NELL2: variants seen among roughly 807,000 people sequenced by gnomAD.
NELL2 encodes the protein protein kinase C-binding protein NELL2.
NELL2 carries 41 observed loss-of-function variants against 109.6 expected under a neutral mutation model. The ratio of observed to expected loss-of-function variants is 0.37; its 90% CI spans 0.29 to 0.49. The LOEUF (loss-of-function observed/expected upper bound fraction) is 0.49, where lower values mean the gene tolerates loss of function less well. Ranked by LOEUF, NELL2 falls within the 20% of genes least tolerant of loss-of-function variation. NELL2 has a pLI of 0.98. For missense variants in NELL2, 900 were observed against 1,008.3 expected, an observed-to-expected ratio of 0.89 and a Z score of 1.45; for synonymous variants, 355 against 344.7, an observed-to-expected ratio of 1.03 and a Z score of -0.33.
chr12:44,647,452 G>A (rs1947134493), intron 13 of NELL2, among the ~76,000 whole-genome samples: 1 of 152,080 alleles, frequency 6.6e-6, no homozygotes, highest in Non-Finnish European at 1.5e-5. Context: ...GCTGCATAGA[G>A]ATGAAAAAGA....
At chr12:44,757,296 T>C (rs904956429) in intron 9 of NELL2, among the ~76,000 whole-genome samples, 1 of 152,124 alleles carries the variant, frequency 6.6e-6, no homozygotes, top group African/African-American at 2.4e-5. Flanking sequence ...TGTTCCCATA[T>C]CCCATCCTGC....
At chr12:44,695,409 A>T (rs540694383) in intron 12 of NELL2, among the ~76,000 whole-genome samples, 19 of 152,312 alleles carry the variant, frequency 1.2e-4, no homozygotes, top group Non-Finnish European at 2.6e-4. Context: ...ACTAGATTCA[A>T]TAATTAGTCT....
At chr12:44,646,428 A>G (rs1040292506) in intron 13 of NELL2, among the ~76,000 whole-genome samples, 3 of 152,224 alleles carry the variant, frequency 2.0e-5, no homozygotes, top group Admixed American at 2.0e-4. Context: ...GAAACCACAA[A>G]TAGTACCAAA....
intron 1 of NELL2, among the ~76,000 whole-genome samples, chr12:44,894,474 T>C (rs1945571208): frequency 6.6e-6 from 1 of 152,214 alleles, no homozygotes; most frequent in African/African-American, 2.4e-5. Context: ...ATCTTTAATC[T>C]TGCATCATTA....
At chr12:44,760,941 A>G (rs2136548755) in intron 9 of NELL2, among the ~76,000 whole-genome samples, 1 of 152,356 alleles carries the variant, frequency 6.6e-6, no homozygotes, top group South Asian at 2.1e-4. Flanking sequence ...AAGAAACATT[A>G]TGAAAACATA....
chr12:44,741,836 C>A (rs1490492335), intron 9 of NELL2, among the ~76,000 whole-genome samples: 1 of 152,214 alleles, frequency 6.6e-6, no homozygotes, highest in Non-Finnish European at 1.5e-5. Flanking sequence ...TGGAGCCCAC[C>A]ACAGCTCAAG....
At chr12:44,799,933 T>C (rs1050659527) in intron 3 of NELL2, among the ~76,000 whole-genome samples, 3 of 152,206 alleles carry the variant, frequency 2.0e-5, no homozygotes, top group African/African-American at 7.2e-5. Flanking sequence ...TCCCTGGACC[T>C]GTGAAACCAT....
At chr12:44,724,059 G>A (rs113499994) in intron 9 of NELL2, among the ~76,000 whole-genome samples, 11,277 of 151,830 alleles carry the variant, frequency 0.074, 1,357 homozygotes, top group African/African-American at 0.25. Context: ...ATACTATGCA[G>A]CCATAAAAAA....
At chr12:44,766,374 A>C (rs538145740) in intron 9 of NELL2, among the ~76,000 whole-genome samples, 1 of 152,296 alleles carries the variant, frequency 6.6e-6, no homozygotes, top group African/African-American at 2.4e-5. Context: ...TCCAGTGGGC[A>C]CTATGTTGTC....
intron 15 of NELL2, among the ~76,000 whole-genome samples, chr12:44,548,348 G>T (rs908992816): frequency 6.6e-6 from 1 of 151,828 alleles, no homozygotes; most frequent in African/African-American, 2.4e-5. Context: ...AAGAAGGATC[G>T]CCTGGCCAAC....
chr12:44,673,690 A>G (rs1408913468), intron 12 of NELL2, among the ~76,000 whole-genome samples: 1 of 152,214 alleles, frequency 6.6e-6, no homozygotes, highest in Admixed American at 6.5e-5. Context: ...AGGGCTTACA[A>G]TCCAGGAAAT....
chr12:44,608,897 T>C (rs1221368806), intron 14 of NELL2, among the ~76,000 whole-genome samples: 1 of 149,758 alleles, frequency 6.7e-6, no homozygotes, highest in East Asian at 1.9e-4. Context: ...TTTTTGCATA[T>C]ATATATACAT....
chr12:44,770,801 A>C (rs1941516871), intron 9 of NELL2, among the ~76,000 whole-genome samples: 1 of 152,166 alleles, frequency 6.6e-6, no homozygotes, highest in Non-Finnish European at 1.5e-5. Flanking sequence ...ATCAGTTCAG[A>C]TTTGCCTCAG....
chr12:44,591,203 G>A lies in NELL2; in HGVS notation c.1663+15966C>T, dbSNP rs139014437. ...GAATATAAATTAGTACAGCCATTAT[G>A]GAGAACATTATGGAAGTTCCTCAAA... is the stretch of plus-strand genomic sequence containing the variant. On this transcript the variant is annotated intron_variant, in intron 15 of 19. Coordinates refer to ENST00000429094, the MANE Select transcript of NELL2 (RefSeq NM_001145108.2). 1.5e-3 allele frequency among the ~76,000 whole-genome samples: 229 copies of A among 152,266 alleles called. 1 individual carries two copies. Among genetic ancestry groups the A allele is most frequent in the African/African-American group, 5.1e-3 (211 of 41,558 alleles).
At chr12:44,660,597 A>T (rs1041842205) in intron 13 of NELL2, among the ~76,000 whole-genome samples, 2 of 152,150 alleles carry the variant, frequency 1.3e-5, no homozygotes, top group African/African-American at 4.8e-5. Context: ...ACAATTGACA[A>T]CCACTACCCT....
chr12:44,604,095 G>A (rs940759960), intron 15 of NELL2, among the ~76,000 whole-genome samples: 4 of 152,068 alleles, frequency 2.6e-5, no homozygotes, highest in African/African-American at 4.8e-5. Context: ...GGTTGAAGGG[G>A]GCATAACAAA....
intron 3 of NELL2, among the ~76,000 whole-genome samples, chr12:44,814,512 C>A (rs1167994677): frequency 6.6e-6 from 1 of 152,054 alleles, no homozygotes; most frequent in Non-Finnish European, 1.5e-5. Flanking sequence ...AGGCCTCTCC[C>A]TGCAACCAAA....
chr12:44,587,967 T>C (rs78563308), intron 15 of NELL2, among the ~76,000 whole-genome samples: 9,167 of 152,054 alleles, frequency 0.06, 345 homozygotes, highest in Middle Eastern at 0.11. Context: ...CTGGCTAACA[T>C]GGTGAAACCC....
chr12:44,542,363 A>C (rs1358562139), intron 15 of NELL2, among the ~76,000 whole-genome samples: 1 of 151,010 alleles, frequency 6.6e-6, no homozygotes, highest in Admixed American at 6.6e-5. Flanking sequence ...CTACCCTCAG[A>C]CCTTTTCTTT....
Sources: gnomAD v4.1 joint callset for allele counts (sites outside exome capture counted in the v4.1 genomes callset) on GRCh38, gnomAD v4.1.1 for gene constraint, MANE v1.5 for transcripts, NCBI Gene and HGNC (gene_info 2026-07-23, HGNC 2026-07-21) for gene names.